The following PAPPA2 variants were observed in gnomAD, a reference collection of about 807,000 sequenced individuals.
The protein encoded by PAPPA2 is pappalysin 2, also known as pappalysin-2.
Under a neutral mutation model 176.4 loss-of-function variants are expected in PAPPA2, and 86 were observed. That is an observed-to-expected ratio of 0.49 (90% CI 0.41 to 0.58). PAPPA2 has a LOEUF of 0.58. Among genes scored for constraint, PAPPA2 ranks in the 20% least tolerant of loss-of-function variants. The probability of loss-of-function intolerance (pLI) is 0.00; values close to 1 mark genes in which losing one functional copy is unlikely to be tolerated. For missense variants in PAPPA2, 2,073 were observed against 2,256.9 expected (o/e 0.92, Z 1.65); for synonymous variants, 809 against 852.2 (o/e 0.95, Z 0.88).
intron 17 of PAPPA2, among the ~76,000 whole-genome samples, chr1:176,778,246 A>ATCCTG (rs1664551254): frequency 6.6e-6 from 1 of 152,184 alleles, no homozygotes; most frequent in Admixed American, 6.5e-5. Context: ...GCTTTATATC[A>ATCCTG]TCCTGCTGAC....
intron 17 of PAPPA2, among the ~76,000 whole-genome samples, chr1:176,783,003 A>T (rs1377109286): frequency 6.6e-6 from 1 of 152,172 alleles, no homozygotes; most frequent in African/African-American, 2.4e-5. Flanking sequence ...AAAAGGTAAG[A>T]TTGAGAGGAA....
chr1:176,765,649 T>C lies in PAPPA2; in HGVS notation c.4152-17T>C. 2 of 1,611,940 alleles carry C rather than the reference T, an allele frequency of 1.2e-6. No homozygotes were observed. Among genetic ancestry groups the C allele is most frequent in the Middle Eastern group, 1.7e-4 (1 of 6,044 alleles). ...TTCTCAACCAGTCCTAAGATGGTTC[T>C]ATTTCTCTTATCCCAGCTGTATCCA... On this transcript the variant is annotated splice_polypyrimidine_tract_variant and intron_variant, in intron 14 of 22. Transcript: ENST00000367662.
intron 7 of PAPPA2, among the ~76,000 whole-genome samples, chr1:176,697,203 G>A (rs1053990734): frequency 2.0e-5 from 3 of 152,206 alleles, no homozygotes; most frequent in Middle Eastern, 3.4e-3. Flanking sequence ...TGTGTCTTAA[G>A]GCAAACCAAA....
chr1:176,834,994 T>C (rs1180438986), intron 21 of PAPPA2, among the ~76,000 whole-genome samples: 1 of 151,972 alleles, frequency 6.6e-6, no homozygotes, highest in Non-Finnish European at 1.5e-5. Flanking sequence ...AGTGAAGCTA[T>C]GGGGGTCCAG....
intron 16 of PAPPA2, among the ~76,000 whole-genome samples, chr1:176,770,540 T>C (rs1664177824): frequency 6.6e-6 from 1 of 152,172 alleles, no homozygotes; most frequent in Non-Finnish European, 1.5e-5. Flanking sequence ...CATAGGGTTG[T>C]TTGAGGTTTG....
intron 1 of PAPPA2, among the ~76,000 whole-genome samples, chr1:176,480,873 G>A (rs188689961): frequency 7.0e-4 from 106 of 151,192 alleles, no homozygotes; most frequent in South Asian, 6.3e-4. Context: ...CCAGTCACCC[G>A]ACTGTGCACA....
At chr1:176,787,891 T>A (rs1429106616) in intron 17 of PAPPA2, among the ~76,000 whole-genome samples, 1 of 151,888 alleles carries the variant, frequency 6.6e-6, no homozygotes, top group Non-Finnish European at 1.5e-5. Flanking sequence ...AAAAACCCCG[T>A]CTTTACTAAA....
chr1:176,551,513 GCTCT>G (rs1226544853), intron 1 of PAPPA2, among the ~76,000 whole-genome samples: 2 of 151,930 alleles, frequency 1.3e-5, no homozygotes, highest in East Asian at 1.9e-4. Context: ...TCTTGCTCTC[GCTCT>G]CTCTCTCGTT....
intron 14 of PAPPA2, among the ~76,000 whole-genome samples, chr1:176,757,422 CATTGTGGTTTTG>C (rs1468147059): frequency 3.9e-5 from 6 of 152,188 alleles, no homozygotes; most frequent in African/African-American, 9.7e-5. Flanking sequence ...GATGGTATCT[CATTGTGGTTTTG>C]ATTTGCATTT....
At chr1:176,578,178 A>AT (rs1183318597) in intron 2 of PAPPA2, among the ~76,000 whole-genome samples, 1 of 152,186 alleles carries the variant, frequency 6.6e-6, no homozygotes, top group Non-Finnish European at 1.5e-5. Flanking sequence ...TCTGCCATGG[A>AT]TAAATGTTCC....
chr1:176,566,271 A>G (rs1279985927), intron 2 of PAPPA2, among the ~76,000 whole-genome samples: 1 of 152,082 alleles, frequency 6.6e-6, no homozygotes, highest in Admixed American at 6.5e-5. Flanking sequence ...TTTGGGGTGC[A>G]GGTGGGGGAA....
intron 2 of PAPPA2, among the ~76,000 whole-genome samples, chr1:176,571,697 T>C (rs1652346098): frequency 2.0e-5 from 3 of 152,242 alleles, no homozygotes; most frequent in African/African-American, 4.8e-5. Context: ...TGATATAACT[T>C]AGCATGAAAT....
intron 3 of PAPPA2, among the ~76,000 whole-genome samples, chr1:176,633,923 C>T (rs1345709283): frequency 1.3e-5 from 2 of 152,126 alleles, no homozygotes; most frequent in Admixed American, 6.5e-5. Context: ...GAATGGCGAT[C>T]ATTAAAAAGT....
At chr1:176,772,309 G>A (rs1227539435) in intron 17 of PAPPA2, among the ~76,000 whole-genome samples, 2 of 152,180 alleles carry the variant, frequency 1.3e-5, no homozygotes, top group Non-Finnish European at 2.9e-5. Flanking sequence ...AAAGCCTGTT[G>A]ATATGTATTC....
Position 176,711,961 on chromosome 1 carries a change from G to A in PAPPA2, c.3778G>A (p.Glu1260Lys). The A allele has an allele frequency of 6.2e-7, 1 of 1,613,114 alleles. No individual in the cohort carries two copies. Among genetic ancestry groups the A allele is most frequent in the Non-Finnish European group, 8.5e-7 (1 of 1,179,172 alleles). ...SEQPEGSLKKEDEVWLKVCFN... is the reference protein window; with the variant it reads ...SEQPEGSLKKKDEVWLKVCFN... ...ACAGCCAGAAGGTAGCCTGAAGAAA[G>A]AGGATGAGGTTTGGCTCAAAGTAAG... Residue 1260 changes from glutamate (E) to lysine (K), a missense_variant, in exon 12 of 23, where the codon GAG (glutamate) becomes AAG (lysine). This residue lies in a region of PAPPA2 where 846 missense variants were observed against 857.9 expected (regional missense o/e 0.99). Coordinates refer to ENST00000367662, the MANE Select transcript of PAPPA2 (RefSeq NM_020318.3).
chr1:176,661,493 G>C (rs921678145), intron 3 of PAPPA2, among the ~76,000 whole-genome samples: 3 of 150,794 alleles, frequency 2.0e-5, no homozygotes, highest in African/African-American at 7.3e-5. Flanking sequence ...CAGCTGTCTG[G>C]AGATCAAGAA....
intron 1 of PAPPA2, among the ~76,000 whole-genome samples, chr1:176,476,947 G>T (rs190097006): frequency 3.3e-5 from 5 of 152,244 alleles, no homozygotes; most frequent in Admixed American, 1.3e-4. Flanking sequence ...TGCCATGTTG[G>T]TGAGACACCG....
intron 12 of PAPPA2, among the ~76,000 whole-genome samples, chr1:176,720,736 G>C (rs566247694): frequency 7.2e-5 from 11 of 152,106 alleles, no homozygotes; most frequent in Non-Finnish European, 1.5e-4. Context: ...ATAGGCCCTC[G>C]GCAAGCGGGA....
chr1:176,547,559 T>C (rs1174603496), intron 1 of PAPPA2, among the ~76,000 whole-genome samples: 1 of 152,180 alleles, frequency 6.6e-6, no homozygotes, highest in Non-Finnish European at 1.5e-5. Flanking sequence ...GCCAAACCCA[T>C]GCAAAAACTT....
Sources: gnomAD v4.1 joint callset for allele counts (sites outside exome capture counted in the v4.1 genomes callset) on GRCh38, gnomAD v4.1.1 for gene constraint, gnomAD v4.1.1 regional missense constraint, MANE v1.5 for transcripts, NCBI Gene and HGNC (gene_info 2026-07-23, HGNC 2026-07-21) for gene names.